The following WWOX variants were observed in gnomAD, a reference collection of about 807,000 sequenced individuals.
The protein encoded by WWOX is WW domain-containing oxidoreductase.
In WWOX, 69 loss-of-function variants were observed where a neutral mutation model predicts 46.2. The observed-to-expected ratio is 1.49, with a 90% CI of 1.23 to 1.82. The LOEUF is 1.82. Ranked by LOEUF, WWOX falls within the 40% of genes most tolerant of loss-of-function variation. WWOX has a pLI of 0.00. For missense variants in WWOX, 919 were observed against 542.6 expected (o/e 1.69, Z -6.89); for synonymous variants, 359 against 202.6 (o/e 1.77, Z -6.56).
intron 8 of WWOX, among the ~76,000 whole-genome samples, chr16:78,854,668 C>A (rs967448617): frequency 5.3e-5 from 8 of 152,194 alleles, no homozygotes; most frequent in Non-Finnish European, 8.8e-5. Context: ...GCAACCTCCG[C>A]CTCCCGGGTT....
intron 8 of WWOX, among the ~76,000 whole-genome samples, chr16:79,181,644 T>A (rs1023556153): frequency 2.6e-5 from 4 of 152,102 alleles, no homozygotes; most frequent in African/African-American, 9.7e-5. Context: ...AGCCTTTGGG[T>A]GGTATCCAGT....
intron 5 of WWOX, among the ~76,000 whole-genome samples, chr16:78,239,946 T>C (rs2037582118): frequency 6.6e-6 from 1 of 152,120 alleles, no homozygotes; most frequent in African/African-American, 2.4e-5. Context: ...GATGCCATGC[T>C]CCGGTTCTAA....
intron 8 of WWOX, among the ~76,000 whole-genome samples, chr16:78,721,939 TC>T (rs1275028146): frequency 6.6e-6 from 1 of 152,274 alleles, no homozygotes; most frequent in Admixed American, 6.5e-5. Flanking sequence ...AATGTGACTT[TC>T]CTTTGCTACT....
chr16:78,350,927 G>C lies in WWOX; in HGVS notation c.517-35933G>C, dbSNP rs199530815. ...TACATTCTAACCAGCAGTGTAGGAA[G>C]GTTCCGATTTCTCCATATCTTCACC... On this transcript the variant is annotated intron_variant, in intron 5 of 8. Transcript: ENST00000566780. Among the ~76,000 whole-genome samples the C allele has an allele frequency of 5.1e-5, 3 of 58,350 alleles. 1 individual carries two copies. Among genetic ancestry groups the C allele is most frequent in the Non-Finnish European group, 1.6e-4 (3 of 18,846 alleles). 38.3% of individuals were successfully genotyped at this position (58,350 alleles called of 152,430 possible). A position where few individuals can be genotyped will look rare whatever the true frequency, so the allele number is the denominator to read the frequency against.
intron 8 of WWOX, among the ~76,000 whole-genome samples, chr16:79,124,226 G>A (rs1189120809): frequency 6.6e-6 from 1 of 152,082 alleles, no homozygotes; most frequent in African/African-American, 2.4e-5. Flanking sequence ...ATTAGAGCGT[G>A]CCCCCTGCCC....
chr16:78,132,563 C>G (rs2033640982), intron 4 of WWOX, among the ~76,000 whole-genome samples: 1 of 152,176 alleles, frequency 6.6e-6, no homozygotes, highest in African/African-American at 2.4e-5. Context: ...CATCCAGTAT[C>G]TTGATGTCCA....
chr16:78,261,776 C>CTATA lies in WWOX; in HGVS notation c.516+97490_516+97491insATAT, dbSNP rs1420854261. On this transcript the variant is annotated intron_variant, in intron 5 of 8. Coordinates refer to ENST00000566780, the MANE Select transcript of WWOX (RefSeq NM_016373.4). The stretch of plus-strand genomic sequence containing the variant: ...TCTGTCTATCTATCTATCTATGTAT[C>CTATA]TATCTATCTATCTATATATATATAT... Among the ~76,000 whole-genome samples the CTATA allele has an allele frequency of 2.8e-3, 109 of 38,320 alleles. 1 individual carries two copies. Among genetic ancestry groups the CTATA allele is most frequent in the East Asian group, 0.018 (16 of 886 alleles). The allele number at this position is 38,320 out of a possible 152,430, so 25.1% of individuals were successfully genotyped here.
chr16:78,902,123 C>G (rs2044845658), intron 8 of WWOX, among the ~76,000 whole-genome samples: 1 of 152,184 alleles, frequency 6.6e-6, no homozygotes, highest in Non-Finnish European at 1.5e-5. Context: ...GCATCTACAT[C>G]CACCTCTGCA....
intron 8 of WWOX, among the ~76,000 whole-genome samples, chr16:78,874,778 C>G (rs527725384): frequency 3.4e-4 from 45 of 133,042 alleles, no homozygotes; most frequent in Non-Finnish European, 6.0e-4. Flanking sequence ...CCAAGCATAA[C>G]CTCCTACACA....
intron 8 of WWOX, among the ~76,000 whole-genome samples, chr16:78,838,420 G>C (rs1229075806): frequency 2.0e-5 from 3 of 152,176 alleles, no homozygotes; most frequent in East Asian, 1.9e-4. Context: ...AGACTTACAC[G>C]TATACACAAT....
At chr16:78,204,024 C>T (rs1567425738) in intron 5 of WWOX, among the ~76,000 whole-genome samples, 4 of 152,102 alleles carry the variant, frequency 2.6e-5, no homozygotes, top group Admixed American at 2.6e-4. Flanking sequence ...GCCACTGACA[C>T]GTTGTCAGCC....
intron 8 of WWOX, among the ~76,000 whole-genome samples, chr16:78,528,095 T>G (rs1275119054): frequency 1.4e-5 from 2 of 144,396 alleles, no homozygotes; most frequent in East Asian, 4.1e-4. Flanking sequence ...GCCTCCTGGG[T>G]TCGTGCCATT....
chr16:78,444,723 G>A (rs769891233), intron 8 of WWOX, among the ~76,000 whole-genome samples: 13 of 152,018 alleles, frequency 8.6e-5, no homozygotes, highest in Non-Finnish European at 1.5e-4. Flanking sequence ...GTAGAGACGA[G>A]GTTTCACGGT....
chr16:78,831,577 G>T (rs1033777265), intron 8 of WWOX, among the ~76,000 whole-genome samples: 1 of 152,202 alleles, frequency 6.6e-6, no homozygotes, highest in Non-Finnish European at 1.5e-5. Context: ...CAGGAGGCAG[G>T]CTGCATGATG....
chr16:78,975,868 G>T (rs2046561966), intron 8 of WWOX, among the ~76,000 whole-genome samples: 1 of 152,112 alleles, frequency 6.6e-6, no homozygotes, highest in Non-Finnish European at 1.5e-5. Flanking sequence ...CTTGCCATTA[G>T]GACCAAACCT....
chr16:78,804,921 C>A (rs1241768385), intron 8 of WWOX, among the ~76,000 whole-genome samples: 1 of 152,212 alleles, frequency 6.6e-6, no homozygotes, highest in Non-Finnish European at 1.5e-5. Context: ...TCCAAACTAA[C>A]AATTCCTGAA....
intron 5 of WWOX, among the ~76,000 whole-genome samples, chr16:78,240,304 C>A (rs2037595202): frequency 6.7e-6 from 1 of 149,890 alleles, no homozygotes; most frequent in South Asian, 2.1e-4. Context: ...TATAGCAAGA[C>A]CCCATCTCTT....
At chr16:79,086,758 C>G (rs2048861257) in intron 8 of WWOX, among the ~76,000 whole-genome samples, 1 of 152,192 alleles carries the variant, frequency 6.6e-6, no homozygotes, top group Non-Finnish European at 1.5e-5. Flanking sequence ...TGCTGCATGC[C>G]TGTAGTCCTA....
chr16:78,323,198 C>T (rs1338772213), intron 5 of WWOX, among the ~76,000 whole-genome samples: 2 of 152,120 alleles, frequency 1.3e-5, no homozygotes, highest in African/African-American at 2.4e-5. Context: ...TCTCTGCCTC[C>T]CGGGTTCACG....
Sources: gnomAD v4.1 joint callset for allele counts (sites outside exome capture counted in the v4.1 genomes callset) on GRCh38, gnomAD v4.1.1 for gene constraint, MANE v1.5 for transcripts, NCBI Gene and HGNC (gene_info 2026-07-23, HGNC 2026-07-21) for gene names.